MCC: variants seen among roughly 807,000 people sequenced by gnomAD.
MCC encodes colorectal mutant cancer protein.
Under a neutral mutation model 116.2 loss-of-function variants are expected in MCC, and 90 were observed. That is an observed-to-expected ratio of 0.77 (90% CI 0.65 to 0.92). MCC has a LOEUF of 0.92. MCC is among the 40% of genes least tolerant of loss of function. MCC has a pLI of 0.00. For synonymous variants in MCC, 578 were observed against 510.5 expected (o/e 1.13, Z -1.78); for missense variants, 1,516 against 1,312.2 (o/e 1.16, Z -2.40).
At chr5:113,083,121 G>A in intron 10 of MCC, 113 bp from the exon 11 acceptor site, 1 of 986,330 alleles carries the variant, frequency 1.0e-6, no homozygotes, top group Middle Eastern at 2.5e-4. Flanking sequence ...CTGGGAGGAT[G>A]GTTACCCTGA....
At chr5:113,399,074 G>C (rs544668578) in intron 1 of MCC, among the ~76,000 whole-genome samples, 1 of 152,306 alleles carries the variant, frequency 6.6e-6, no homozygotes, top group South Asian at 2.1e-4. Flanking sequence ...GACAGCACAA[G>C]TATAGAATAT....
chr5:113,196,990 G>C (rs1262769199), intron 3 of MCC, among the ~76,000 whole-genome samples: 1 of 152,198 alleles, frequency 6.6e-6, no homozygotes, highest in Non-Finnish European at 1.5e-5. Context: ...AAAAGATGCA[G>C]TGTCTGCCCT....
At chr5:113,433,716 T>C in intron 1 of MCC, 5 of 1,600,000 alleles carry the variant, frequency 3.1e-6, no homozygotes, top group Non-Finnish European at 3.4e-6. Context: ...CTCCATCTCA[T>C]TCCCTGGGCC....
At chr5:113,471,812 G>C (rs372698712) in intron 1 of MCC, among the ~76,000 whole-genome samples, 2 of 150,148 alleles carry the variant, frequency 1.3e-5, no homozygotes, top group Non-Finnish European at 1.5e-5. Context: ...CACCCAGTTC[G>C]AGCTTCCCAG....
chr5:113,088,608 C>A (rs767515089), intron 8 of MCC, among the ~76,000 whole-genome samples: 1 of 151,870 alleles, frequency 6.6e-6, no homozygotes, highest in African/African-American at 2.4e-5. Context: ...CAGAGAGACA[C>A]AGGGAAGAAG....
chr5:113,271,870 A>T (rs1382791522), intron 3 of MCC, among the ~76,000 whole-genome samples: 1 of 152,322 alleles, frequency 6.6e-6, no homozygotes, highest in East Asian at 1.9e-4. Flanking sequence ...AATCTTGAAC[A>T]TCTCAACTTC....
intron 3 of MCC, among the ~76,000 whole-genome samples, chr5:113,338,740 T>C (rs1767930887): frequency 6.6e-6 from 1 of 152,232 alleles, no homozygotes; most frequent in Non-Finnish European, 1.5e-5. Flanking sequence ...TCCAGGCCTA[T>C]GCCAGAGAAA....
Position 113,434,326 on chromosome 5 carries a change from T to A in MCC, c.171-49114A>T. ...GCTGGTGACCCACAGAAGGTCTTGC[T>A]TAATGCCATTCGACCACTGTCATCC... On this transcript the variant is annotated intron_variant, in intron 1 of 18. Transcript: ENST00000408903. This position sits in a 1 kb window ranked among gnomAD's most constrained non-coding sequence, Gnocchi z 4.2. 1.2e-6 allele frequency: 2 copies of A among 1,613,992 alleles called. No individual in the cohort carries two copies. The highest frequency in any genetic ancestry group is 1.7e-6 in the Non-Finnish European group (2 of 1,179,898).
intron 3 of MCC, among the ~76,000 whole-genome samples, chr5:113,262,949 C>T (rs1224967449): frequency 6.6e-6 from 1 of 151,886 alleles, no homozygotes; most frequent in East Asian, 1.9e-4. Context: ...TGATGGCTAA[C>T]GAGGCCATCA....
At chr5:113,262,792 A>G (rs1157200148) in intron 3 of MCC, among the ~76,000 whole-genome samples, 1 of 152,144 alleles carries the variant, frequency 6.6e-6, no homozygotes, top group African/African-American at 2.4e-5. Context: ...TTTCTGATTA[A>G]GGAGATCTAG....
intron 3 of MCC, among the ~76,000 whole-genome samples, chr5:113,219,483 A>C (rs1968992): frequency 0.048 from 7,333 of 152,274 alleles, 471 homozygotes; most frequent in African/African-American, 0.15. Context: ...TTTTCCTAAT[A>C]GCTTATTTGA....
At chr5:113,072,424 C>A (rs971276155) in intron 11 of MCC, among the ~76,000 whole-genome samples, 1 of 152,354 alleles carries the variant, frequency 6.6e-6, no homozygotes, top group South Asian at 2.1e-4. Context: ...CATTCTCTCA[C>A]TTTTCAACTT....
chr5:113,371,488 A>G (rs1197068495), intron 2 of MCC, among the ~76,000 whole-genome samples: 1 of 152,244 alleles, frequency 6.6e-6, no homozygotes, highest in East Asian at 1.9e-4. Flanking sequence ...ACAAAGAAAT[A>G]AATCTGACAC....
At chr5:113,305,173 C>T (rs1304514767) in intron 3 of MCC, among the ~76,000 whole-genome samples, 1 of 152,138 alleles carries the variant, frequency 6.6e-6, no homozygotes, top group African/African-American at 2.4e-5. Flanking sequence ...GGATGGACTG[C>T]TATGGTAGGG....
At chr5:113,407,375 G>GGT (rs1320000955) in intron 1 of MCC, among the ~76,000 whole-genome samples, 6 of 152,152 alleles carry the variant, frequency 3.9e-5, no homozygotes, top group Non-Finnish European at 8.8e-5. Flanking sequence ...CTCAGATAGG[G>GGT]TGAAATCCTA....
At chr5:113,180,013 T>C (rs988976120) in intron 3 of MCC, among the ~76,000 whole-genome samples, 5 of 152,172 alleles carry the variant, frequency 3.3e-5, no homozygotes, top group Non-Finnish European at 7.4e-5. Context: ...AAATATGCCC[T>C]AGAGATTTCT....
intron 5 of MCC, among the ~76,000 whole-genome samples, chr5:113,123,398 T>C (rs1405268521): frequency 6.6e-6 from 1 of 152,118 alleles, no homozygotes; most frequent in Non-Finnish European, 1.5e-5. Context: ...AGAAAGTAGG[T>C]AGAACTAGGG....
At chr5:113,487,692 T>G (rs1772576241) in intron 1 of MCC, among the ~76,000 whole-genome samples, 1 of 152,222 alleles carries the variant, frequency 6.6e-6, no homozygotes, top group Non-Finnish European at 1.5e-5. Context: ...CAATACTGGG[T>G]GGCAAACGAT....
chr5:113,396,547 G>A (rs191364323), intron 1 of MCC, among the ~76,000 whole-genome samples: 48 of 152,184 alleles, frequency 3.2e-4, no homozygotes, highest in African/African-American at 1.1e-3. Flanking sequence ...TGAGGCAGTG[G>A]ATTGCTTGAA....
Sources: allele counts gnomAD v4.1 joint callset (sites outside exome capture counted in the v4.1 genomes callset), GRCh38; gene constraint gnomAD v4.1.1; non-coding constraint Gnocchi (gnomAD v3.1); transcripts MANE v1.5; gene names NCBI Gene and HGNC (gene_info 2026-07-23, HGNC 2026-07-21).